Variants in PDE4D observed in about 807,000 individuals in gnomAD.
PDE4D encodes 3',5'-cyclic-AMP phosphodiesterase 4D.
PDE4D carries 24 observed loss-of-function variants against 87.4 expected under a neutral mutation model. The ratio of observed to expected loss-of-function variants is 0.27; its 90% CI spans 0.20 to 0.39. The LOEUF (loss-of-function observed/expected upper bound fraction) is 0.39, where lower values mean the gene tolerates loss of function less well. Among genes scored for constraint, PDE4D ranks in the 10% least tolerant of loss-of-function variants. The pLI, the probability that PDE4D is intolerant of heterozygous loss-of-function variation, is 1.00. For missense variants in PDE4D, 714 were observed against 1,041.0 expected (o/e 0.69, Z 4.32); for synonymous variants, 384 against 383.2 (o/e 1.00, Z -0.02).
intron 1 of PDE4D, among the ~76,000 whole-genome samples, chr5:59,521,462 T>C (rs964145527): frequency 5.9e-5 from 9 of 152,168 alleles, no homozygotes; most frequent in Non-Finnish European, 1.2e-4. Flanking sequence ...TTTTTTTGTT[T>C]CCTAATCCAG....
intron 1 of PDE4D, among the ~76,000 whole-genome samples, chr5:59,704,576 C>A (rs955752067): frequency 6.6e-6 from 1 of 152,230 alleles, no homozygotes; most frequent in Non-Finnish European, 1.5e-5. Context: ...AGATAACACA[C>A]TTGAGTTCCT....
At chr5:59,743,556 G>A (rs1450512923) in intron 1 of PDE4D, among the ~76,000 whole-genome samples, 1 of 152,074 alleles carries the variant, frequency 6.6e-6, no homozygotes, top group Non-Finnish European at 1.5e-5. Context: ...AGAATATGGA[G>A]AAATTGAACC....
chr5:59,117,046 G>C (rs1240732362), intron 5 of PDE4D, among the ~76,000 whole-genome samples: 1 of 152,170 alleles, frequency 6.6e-6, no homozygotes, highest in Admixed American at 6.5e-5. Flanking sequence ...ATAGTACACA[G>C]TGGCTCCATG....
chr5:59,075,640 T>C (rs958772845), intron 5 of PDE4D, among the ~76,000 whole-genome samples: 8 of 152,108 alleles, frequency 5.3e-5, no homozygotes, highest in Admixed American at 2.0e-4. Flanking sequence ...TGGGTACATA[T>C]GAAGAAAAGA....
At chr5:59,176,291 G>A (rs2153475864) in intron 5 of PDE4D, among the ~76,000 whole-genome samples, 1 of 152,270 alleles carries the variant, frequency 6.6e-6, no homozygotes, top group Middle Eastern at 3.4e-3. Context: ...GGTGGCTCAT[G>A]CCTGTAATCC....
chr5:58,992,768 ATAAATGT>A (rs1748210528), intron 7 of PDE4D, among the ~76,000 whole-genome samples: 1 of 152,180 alleles, frequency 6.6e-6, no homozygotes, highest in Non-Finnish European at 1.5e-5. Context: ...TAAGTGTTTA[ATAAATGT>A]TAACTATATA....
At chr5:59,712,635 AAATAT>A (rs1754379810) in intron 1 of PDE4D, among the ~76,000 whole-genome samples, 1 of 150,168 alleles carries the variant, frequency 6.7e-6, no homozygotes, top group African/African-American at 2.4e-5. Context: ...CTATTTTTAA[AAATAT>A]AATAATTATA....
chr5:59,002,255 T>C (rs1238766258), intron 6 of PDE4D, among the ~76,000 whole-genome samples: 2 of 152,200 alleles, frequency 1.3e-5, no homozygotes, highest in African/African-American at 2.4e-5. Flanking sequence ...GCACAATCAC[T>C]GACAAATAAT....
At chr5:60,205,476 C>T (rs1329243653) in intron 1 of PDE4D, among the ~76,000 whole-genome samples, 1 of 152,108 alleles carries the variant, frequency 6.6e-6, no homozygotes, top group Admixed American at 6.6e-5. Flanking sequence ...CCAGCCTGAT[C>T]CACCTATTAT....
intron 5 of PDE4D, among the ~76,000 whole-genome samples, chr5:59,073,557 A>G (rs1580659215): frequency 6.6e-6 from 1 of 150,926 alleles, no homozygotes; most frequent in East Asian, 1.9e-4. Context: ...GCTTGATTCA[A>G]ATTATGGAAA....
chr5:60,433,114 A>G (rs925624264), intron 1 of PDE4D, among the ~76,000 whole-genome samples: 1 of 152,248 alleles, frequency 6.6e-6, no homozygotes, highest in Admixed American at 6.5e-5. Flanking sequence ...TCTGCACAGC[A>G]AAGGAAACTA....
At chr5:59,788,275 G>A (rs1765386361) in intron 1 of PDE4D, among the ~76,000 whole-genome samples, 1 of 152,186 alleles carries the variant, frequency 6.6e-6, no homozygotes, top group East Asian at 1.9e-4. Flanking sequence ...AAGACTATTT[G>A]CAGGGGATTT....
chr5:59,237,909 G>A (rs573555364), intron 1 of PDE4D, among the ~76,000 whole-genome samples: 1 of 151,964 alleles, frequency 6.6e-6, no homozygotes, highest in Admixed American at 6.6e-5. Flanking sequence ...TAATTTTGTG[G>A]GAGGCAGTCA....
At chr5:59,823,872 T>A (rs1286025377) in intron 1 of PDE4D, among the ~76,000 whole-genome samples, 1 of 149,336 alleles carries the variant, frequency 6.7e-6, no homozygotes, top group Non-Finnish European at 1.5e-5. Context: ...CCCACAGAAA[T>A]TCATCTGGCT....
chr5:59,053,638 G>GT lies in PDE4D; in HGVS notation c.809-14668dup, dbSNP rs1205199951. Among the ~76,000 whole-genome samples the GT allele has an allele frequency of 1.3e-3, 109 of 84,610 alleles. 1 individual carries two copies. Among genetic ancestry groups the GT allele is most frequent in the South Asian group, 2.1e-3 (6 of 2,812 alleles). The allele number at this position is 84,610 out of a possible 152,430, so 55.5% of individuals were successfully genotyped here. On this transcript the variant is annotated intron_variant, in intron 5 of 14. Coordinates refer to ENST00000340635, the MANE Select transcript of PDE4D (RefSeq NM_001104631.2). Reference sequence around the variant, plus strand: ...TAAGTTTTATGAATTAAGTTGTTTTGTTTTTTGTTTTTTTTTGTTGTTGTT... The same window carrying GT: ...TAAGTTTTATGAATTAAGTTGTTTTGTTTTTTTGTTTTTTTTTGTTGTTGTT...
intron 1 of PDE4D, among the ~76,000 whole-genome samples, chr5:60,509,781 T>C (rs1750489513): frequency 6.6e-6 from 1 of 152,144 alleles, no homozygotes; most frequent in Admixed American, 6.5e-5. Context: ...CTCAGTCTCC[T>C]AGAAGGCTAC....
chr5:60,125,809 C>T (rs1443603035), intron 2 of PDE4D, among the ~76,000 whole-genome samples: 1 of 152,166 alleles, frequency 6.6e-6, no homozygotes, highest in African/African-American at 2.4e-5. Context: ...CTGCTCAATG[C>T]TCACCTTATC....
chr5:60,335,156 A>G (rs1243951367), intron 1 of PDE4D: 1 of 152,244 alleles, frequency 6.6e-6, no homozygotes, highest in Non-Finnish European at 1.5e-5. Context: ...GAAGCCAGAC[A>G]CTAGTTAAAG....
At chr5:60,167,449 T>C (rs796614320) in intron 2 of PDE4D, among the ~76,000 whole-genome samples, 8 of 151,994 alleles carry the variant, frequency 5.3e-5, no homozygotes, top group African/African-American at 1.9e-4. Context: ...TTTGTATTTT[T>C]AGTAGAGACG....
Sources: allele counts gnomAD v4.1 joint callset (sites outside exome capture counted in the v4.1 genomes callset), GRCh38; gene constraint gnomAD v4.1.1; transcripts MANE v1.5; gene names NCBI Gene and HGNC (gene_info 2026-07-23, HGNC 2026-07-21).